XKR4: variants seen among roughly 807,000 people sequenced by gnomAD.
XKR4 encodes XK related 4, also known as XK-related protein 4.
Under a neutral mutation model 53.9 loss-of-function variants are expected in XKR4, and 12 were observed. The ratio of observed to expected loss-of-function variants is 0.22; its 90% confidence interval spans 0.14 to 0.36. The LOEUF is 0.36. Ranked by LOEUF, XKR4 falls within the 10% of genes least tolerant of loss-of-function variation. The pLI is 1.00. For synonymous variants in XKR4, 354 were observed against 362.4 expected, an observed-to-expected ratio of 0.98 and a Z score of 0.26; for missense variants, 799 against 859.5, an observed-to-expected ratio of 0.93 and a Z score of 0.88.
At chr8:55,342,524 A>G (rs942988495) in intron 1 of XKR4, among the ~76,000 whole-genome samples, 1 of 152,040 alleles carries the variant, frequency 6.6e-6, no homozygotes, top group African/African-American at 2.4e-5. Flanking sequence ...CTATGTGATC[A>G]GACCGTCCCA....
At chr8:55,414,286 A>G (rs1312262391) in intron 2 of XKR4, among the ~76,000 whole-genome samples, 1 of 152,108 alleles carries the variant, frequency 6.6e-6, no homozygotes, top group African/African-American at 2.4e-5. Context: ...CATATTTACT[A>G]ATCAGATATT....
intron 1 of XKR4, among the ~76,000 whole-genome samples, chr8:55,340,124 T>G (rs1232539924): frequency 2.0e-5 from 3 of 152,228 alleles, no homozygotes; most frequent in Non-Finnish European, 4.4e-5. Flanking sequence ...CACTGGTTGA[T>G]AGTAAAATAT....
intron 2 of XKR4, among the ~76,000 whole-genome samples, chr8:55,364,793 C>A (rs942391894): frequency 6.6e-6 from 1 of 152,018 alleles, no homozygotes; most frequent in African/African-American, 2.4e-5. Flanking sequence ...CCACCACGCC[C>A]GACTAATTTT....
intron 1 of XKR4, among the ~76,000 whole-genome samples, chr8:55,295,910 C>A (rs1819095106): frequency 1.3e-5 from 2 of 152,172 alleles, no homozygotes; most frequent in South Asian, 2.1e-4. Flanking sequence ...CTCCACAAAT[C>A]TATTAATACT....
chr8:55,137,041 A>G (rs2129353745), intron 1 of XKR4, among the ~76,000 whole-genome samples: 1 of 152,300 alleles, frequency 6.6e-6, no homozygotes, highest in Non-Finnish European at 1.5e-5. Context: ...GAAAACCGAT[A>G]ATGTTAGACA....
chr8:55,180,208 G>T (rs571979632), intron 1 of XKR4, among the ~76,000 whole-genome samples: 1 of 152,196 alleles, frequency 6.6e-6, no homozygotes. Flanking sequence ...ACACATTTCA[G>T]CATTTGTTGA....
At chr8:55,385,094 T>C (rs574423809) in intron 2 of XKR4, among the ~76,000 whole-genome samples, 17 of 152,306 alleles carry the variant, frequency 1.1e-4, no homozygotes, top group Non-Finnish European at 2.4e-4. Context: ...ATGCTCTACA[T>C]TGGCAATATG....
intron 2 of XKR4, among the ~76,000 whole-genome samples, chr8:55,423,526 C>T (rs973728100): frequency 2.0e-5 from 3 of 152,228 alleles, no homozygotes; most frequent in Non-Finnish European, 2.9e-5. Flanking sequence ...TACTCTATTA[C>T]TTGATCTGTT....
intron 1 of XKR4, among the ~76,000 whole-genome samples, chr8:55,184,296 C>G (rs1403056625): frequency 6.6e-6 from 1 of 152,090 alleles, no homozygotes; most frequent in Non-Finnish European, 1.5e-5. Flanking sequence ...TTTATTTACC[C>G]TTTTCCTTAT....
At chr8:55,239,585 C>T (rs1477093515) in intron 1 of XKR4, among the ~76,000 whole-genome samples, 1 of 152,154 alleles carries the variant, frequency 6.6e-6, no homozygotes, top group Non-Finnish European at 1.5e-5. Context: ...TGATTGTGTT[C>T]CTCTTCCCCT....
At chr8:55,443,590 G>A (rs1211367544) in intron 2 of XKR4, among the ~76,000 whole-genome samples, 1 of 132,458 alleles carries the variant, frequency 7.5e-6, no homozygotes, top group Non-Finnish European at 1.6e-5. Flanking sequence ...ACACCTGTAA[G>A]CCCAGCACTT....
At chr8:55,163,839 C>T (rs1017282667) in intron 1 of XKR4, among the ~76,000 whole-genome samples, 21 of 151,976 alleles carry the variant, frequency 1.4e-4, no homozygotes, top group East Asian at 5.8e-4. Context: ...AACAAGACTC[C>T]GTCTCAAAAA....
chr8:55,303,326 C>T (rs1228756204), intron 1 of XKR4, among the ~76,000 whole-genome samples: 1 of 152,184 alleles, frequency 6.6e-6, no homozygotes, highest in Non-Finnish European at 1.5e-5. Flanking sequence ...TTGAAACAGG[C>T]TTGCATCCCA....
At chr8:55,236,308 A>G (rs1303301204) in intron 1 of XKR4, among the ~76,000 whole-genome samples, 1 of 152,196 alleles carries the variant, frequency 6.6e-6, no homozygotes. Context: ...ATGAGGCTGC[A>G]TACAGTCCAG....
chr8:55,333,729 T>C (rs954293355), intron 1 of XKR4, among the ~76,000 whole-genome samples: 1 of 152,122 alleles, frequency 6.6e-6, no homozygotes, highest in East Asian at 1.9e-4. Flanking sequence ...CAGAGACCAT[T>C]ATCTGAAGAT....
rs774770122 is a variant in XKR4, at chr8:55,357,847, G to A, written c.976G>A (p.Val326Ile). The change falls in exon 2 of 3, where the codon GTA (valine) becomes ATA (isoleucine). Residue 326 changes from valine (V) to isoleucine (I), a missense_variant. Transcript: ENST00000327381. ...PQLVLQLCIIVQTHSLQALQG... is the reference protein window; with the variant it reads ...PQLVLQLCIIIQTHSLQALQG... Reference sequence around the variant, plus strand: ...GCTGGTCCTGCAGCTCTGCATTATCGTACAGACTCATAGCTTACAGGCCCT... The same window carrying A: ...GCTGGTCCTGCAGCTCTGCATTATCATACAGACTCATAGCTTACAGGCCCT... The A allele has an allele frequency of 1.9e-5, 31 of 1,613,944 alleles. No homozygotes were observed. Among genetic ancestry groups the A allele is most frequent in the African/African-American group, 1.1e-4 (8 of 74,910 alleles).
intron 1 of XKR4, among the ~76,000 whole-genome samples, chr8:55,325,175 G>A (rs555248292): frequency 2.0e-5 from 3 of 152,100 alleles, no homozygotes; most frequent in Admixed American, 2.0e-4. Flanking sequence ...TAAAATATGA[G>A]GCGTAATTTT....
chr8:55,477,893 T>C (rs1422723572), intron 2 of XKR4, among the ~76,000 whole-genome samples: 1 of 151,836 alleles, frequency 6.6e-6, no homozygotes, highest in Non-Finnish European at 1.5e-5. Context: ...CTCCAAGAAA[T>C]AAGGGACTAT....
chr8:55,346,924 C>T (rs943418335), intron 1 of XKR4, among the ~76,000 whole-genome samples: 20 of 152,086 alleles, frequency 1.3e-4, no homozygotes, highest in African/African-American at 4.8e-4. Flanking sequence ...AATATATTTG[C>T]ATAGTATCAT....
Sources: gnomAD v4.1 joint callset for allele counts (sites outside exome capture counted in the v4.1 genomes callset) on GRCh38, gnomAD v4.1.1 for gene constraint, MANE v1.5 for transcripts, NCBI Gene and HGNC (gene_info 2026-07-23, HGNC 2026-07-21) for gene names.